Variants in GAB2 observed in about 807,000 individuals in gnomAD.
The protein encoded by GAB2 is GRB2-associated-binding protein 2.
In GAB2, 26 loss-of-function variants were observed where a neutral mutation model predicts 65.5. That is an observed-to-expected ratio of 0.40 (90% CI 0.29 to 0.55). GAB2 has a LOEUF of 0.55. GAB2 is among the 20% of genes least tolerant of loss of function. The pLI, the probability that GAB2 is intolerant of heterozygous loss-of-function variation, is 0.53. For synonymous variants in GAB2, 321 were observed against 329.6 expected, an observed-to-expected ratio of 0.97 and a Z score of 0.28; for missense variants, 884 against 875.8, an observed-to-expected ratio of 1.01 and a Z score of -0.12.
chr11:78,337,062 A>G (rs1856015084), intron 1 of GAB2, among the ~76,000 whole-genome samples: 1 of 152,236 alleles, frequency 6.6e-6, no homozygotes, highest in Non-Finnish European at 1.5e-5. Context: ...TAGCACTAGC[A>G]GGGAACAACA....
intron 2 of GAB2, among the ~76,000 whole-genome samples, chr11:78,274,100 C>T (rs181865538): frequency 2.6e-5 from 4 of 152,114 alleles, no homozygotes; most frequent in Admixed American, 2.6e-4. Context: ...TATAGTGAGA[C>T]CCTGTCTCTA....
rs555163816 is a variant in GAB2 at position 78,284,763 on chromosome 11, A to C, written c.76-3862T>G. On this transcript the variant is annotated intron_variant, in intron 1 of 9. Transcript: ENST00000361507. ...CCCCCAAAAGATATCAATTTTTATGACTTTTCCGCACCCACCTCCCAGAAA... is the reference window on the plus strand; with the variant it reads ...CCCCCAAAAGATATCAATTTTTATGCCTTTTCCGCACCCACCTCCCAGAAA... 2.0e-5 allele frequency among the ~76,000 whole-genome samples: 3 copies of C among 151,836 alleles called. No individual in the cohort carries two copies. The East Asian group carries it at 5.8e-4, about 29-fold the overall frequency.
chr11:78,294,066 C>T (rs1009592809), intron 1 of GAB2, among the ~76,000 whole-genome samples: 9 of 152,124 alleles, frequency 5.9e-5, no homozygotes, highest in African/African-American at 1.7e-4. Context: ...ATCCCCTCCC[C>T]GCTCCCTCCA....
intron 1 of GAB2, among the ~76,000 whole-genome samples, chr11:78,322,516 G>C (rs576915431): frequency 1.3e-5 from 2 of 151,684 alleles, no homozygotes; most frequent in Non-Finnish European, 2.9e-5. Flanking sequence ...AGAGTAAAGA[G>C]ACAACCTACA....
In GAB2 at chr11:78,277,860, T is replaced by C. The variant is rs186519439; in HGVS notation, c.376+2741A>G. Among the ~76,000 whole-genome samples the C allele has an allele frequency of 1.8e-3, 267 of 152,358 alleles. 2 individuals are homozygous for C. Among genetic ancestry groups the C allele is most frequent in the Middle Eastern group, 0.01 (3 of 294 alleles). On this transcript the variant is annotated intron_variant, in intron 2 of 9. Coordinates refer to ENST00000361507, the MANE Select transcript of GAB2 (RefSeq NM_080491.3). ...CTTCCAAGTGTTCTTTACTTCCTTT[T>C]GTTCCTGCTCTAACACTTTTTAATA...
At chr11:78,367,958 C>T (rs933298021) in intron 1 of GAB2, among the ~76,000 whole-genome samples, 1 of 151,296 alleles carries the variant, frequency 6.6e-6, no homozygotes, top group Admixed American at 6.6e-5. Context: ...CTGGGACTAC[C>T]GGCACCCGCC....
intron 1 of GAB2, among the ~76,000 whole-genome samples, chr11:78,396,945 A>G (rs1265440324): frequency 6.6e-6 from 1 of 152,218 alleles, no homozygotes; most frequent in Non-Finnish European, 1.5e-5. Context: ...AGGGTGAAAC[A>G]GCCTCACCTT....
chr11:78,414,727 C>G (rs1382389946), intron 1 of GAB2, among the ~76,000 whole-genome samples: 1 of 152,146 alleles, frequency 6.6e-6, no homozygotes, highest in Non-Finnish European at 1.5e-5. Context: ...CAGTAAATAG[C>G]AGATAGGTCT....
chr11:78,415,713 A>C (rs562100356), intron 1 of GAB2, among the ~76,000 whole-genome samples: 1 of 152,308 alleles, frequency 6.6e-6, no homozygotes, highest in Admixed American at 6.5e-5. Context: ...GATTCGTTCA[A>C]ATCAGTGAAA....
intron 1 of GAB2, among the ~76,000 whole-genome samples, chr11:78,391,978 T>C (rs1266272505): frequency 6.6e-6 from 1 of 152,168 alleles, no homozygotes; most frequent in African/African-American, 2.4e-5. Flanking sequence ...CAGTAGCTCA[T>C]GCCTGTAATT....
At chr11:78,227,083 G>A (rs376797783) in intron 3 of GAB2, 32 bp from the exon 4 acceptor site, 7 of 1,424,094 alleles carry the variant, frequency 4.9e-6, no homozygotes, top group Non-Finnish European at 6.9e-6. Context: ...GGGCAGGAGG[G>A]TGAGACAATT....
At chr11:78,371,019 C>T (rs1437813008) in intron 1 of GAB2, among the ~76,000 whole-genome samples, 1 of 152,106 alleles carries the variant, frequency 6.6e-6, no homozygotes, top group African/African-American at 2.4e-5. Flanking sequence ...TTAACAGAGA[C>T]CAAACCAGAG....
intron 9 of GAB2, among the ~76,000 whole-genome samples, chr11:78,220,061 T>A (rs1864343377): frequency 6.6e-6 from 1 of 152,158 alleles, no homozygotes; most frequent in Non-Finnish European, 1.5e-5. Context: ...GTGCACTCAT[T>A]TGCCCATCTC....
chr11:78,238,054 T>G (rs1865028501), intron 3 of GAB2, among the ~76,000 whole-genome samples: 2 of 152,058 alleles, frequency 1.3e-5, no homozygotes, highest in Admixed American at 6.6e-5. Context: ...AGGGAGAACA[T>G]CGAGAAGAAT....
At chr11:78,261,107 T>C (rs1865716984) in intron 2 of GAB2, among the ~76,000 whole-genome samples, 1 of 152,052 alleles carries the variant, frequency 6.6e-6, no homozygotes, top group South Asian at 2.1e-4. Context: ...GTCTGAGATA[T>C]ATATATATCT....
Position 78,383,581 on chromosome 11 carries a change from C to CAAAAAAAAAAAAAAAAAAAAAA in GAB2, c.75+34064_75+34065insTTTTTTTTTTTTTTTTTTTTTT, listed in dbSNP as rs534814220. 3.5e-3 allele frequency among the ~76,000 whole-genome samples: 195 copies of CAAAAAAAAAAAAAAAAAAAAAA among 55,466 alleles called. 4 individuals carry two copies. Among genetic ancestry groups the CAAAAAAAAAAAAAAAAAAAAAA allele is most frequent in the East Asian group, 8.3e-3 (14 of 1,694 alleles). 36.4% of individuals were successfully genotyped at this position (55,466 alleles called of 152,430 possible). A position where few individuals can be genotyped will look rare whatever the true frequency, so the allele number is the denominator to read the frequency against. ...GCAACATGGCAAAACCCTGTCTCTCCAAAAAAAAAAAAAAAAAAATACAAA... is the reference window on the plus strand; with the variant it reads ...GCAACATGGCAAAACCCTGTCTCTCCAAAAAAAAAAAAAAAAAAAAAAAAAAAAAAAAAAAAAAAAATACAAA... On this transcript the variant is annotated intron_variant, in intron 1 of 9. Coordinates refer to ENST00000361507, the MANE Select transcript of GAB2 (RefSeq NM_080491.3).
chr11:78,236,604 C>T (rs1225093309), intron 3 of GAB2, among the ~76,000 whole-genome samples: 1 of 152,164 alleles, frequency 6.6e-6, no homozygotes, highest in African/African-American at 2.4e-5. Flanking sequence ...TATAGGGTTC[C>T]TTAGAAGTCC....
In GAB2 at chr11:78,282,318, T is replaced by TC. The variant is rs537606853; in HGVS notation, c.76-1418_76-1417insG. Among the ~76,000 whole-genome samples the TC allele has an allele frequency of 2.6e-3, 395 of 152,082 alleles. 7 individuals are homozygous for TC. The highest frequency in any genetic ancestry group is 0.02 in the Middle Eastern group (6 of 294). On this transcript the variant is annotated intron_variant, in intron 1 of 9. Coordinates refer to ENST00000361507, the MANE Select transcript of GAB2 (RefSeq NM_080491.3). Reference sequence around the variant, plus strand: ...TTGACTGGCTGTGTGAATTTTTTTTTTTTTTTGAGACGGAGTTTCGCTCTG... The same window carrying TC: ...TTGACTGGCTGTGTGAATTTTTTTTTCTTTTTTGAGACGGAGTTTCGCTCTG...
At chr11:78,334,529 T>C (rs953631318) in intron 1 of GAB2, among the ~76,000 whole-genome samples, 9 of 152,244 alleles carry the variant, frequency 5.9e-5, no homozygotes, top group African/African-American at 1.9e-4. Context: ...TGTGCCTGGC[T>C]TATTTCACTT....
Sources: gnomAD v4.1 joint callset for allele counts (sites outside exome capture counted in the v4.1 genomes callset) on GRCh38, gnomAD v4.1.1 for gene constraint, MANE v1.5 for transcripts, NCBI Gene and HGNC (gene_info 2026-07-23, HGNC 2026-07-21) for gene names.